Variants in ADAM18 observed in about 807,000 individuals in gnomAD.
The protein encoded by ADAM18 is ADAM metallopeptidase domain 18, also known as disintegrin and metalloproteinase domain-containing protein 18.
A neutral mutation model predicts 94.4 loss-of-function variants in ADAM18; 117 were observed. The ratio of observed to expected loss-of-function variants is 1.24; its 90% CI spans 1.07 to 1.45. The LOEUF is 1.45. Ranked by LOEUF, ADAM18 falls within the 40% of genes most tolerant of loss-of-function variation. ADAM18 has a pLI of 0.00. For missense variants in ADAM18, 936 were observed against 880.0 expected, an observed-to-expected ratio of 1.06 and a Z score of -0.81; for synonymous variants, 327 against 291.6, an observed-to-expected ratio of 1.12 and a Z score of -1.24.
intron 13 of ADAM18, among the ~76,000 whole-genome samples, chr8:39,664,675 AAAG>A (rs1160188685): frequency 6.6e-6 from 1 of 152,196 alleles, no homozygotes; most frequent in African/African-American, 2.4e-5. Context: ...TAGAATGTGT[AAAG>A]AACTCTCATT....
Position 39,628,038 on chromosome 8 carries a change from T to G in ADAM18, c.523-1336T>G, listed in dbSNP as rs1819822222. Reference sequence around the variant, plus strand: ...TCTTTATAAAGAGACTAAAGATGAATGTCAACACTTCTTGTTTGCAAGGTT... The same window carrying G: ...TCTTTATAAAGAGACTAAAGATGAAGGTCAACACTTCTTGTTTGCAAGGTT... On this transcript the variant is annotated intron_variant, in intron 6 of 19. Coordinates refer to ENST00000265707, the MANE Select transcript of ADAM18 (RefSeq NM_014237.3). Among the ~76,000 whole-genome samples, 3 of 152,116 alleles carry G rather than the reference T, an allele frequency of 2.0e-5. No homozygotes were observed. In the South Asian group the frequency reaches 6.2e-4, roughly 31 times the overall value.
intron 14 of ADAM18, among the ~76,000 whole-genome samples, chr8:39,669,214 A>G (rs1821080931): frequency 6.6e-6 from 1 of 151,550 alleles, no homozygotes; most frequent in Non-Finnish European, 1.5e-5. Context: ...TTTTAATTAA[A>G]AAAAACTTCA....
intron 11 of ADAM18, 102 bp downstream of exon 11, chr8:39,645,576 T>A: frequency 8.9e-7 from 1 of 1,118,768 alleles, no homozygotes; most frequent in Non-Finnish European, 1.3e-6. Flanking sequence ...CATCAATGGC[T>A]AGAAAGTTAC....
Position 39,610,709 on chromosome 8 carries a change from G to A in ADAM18, c.522+3G>A, listed in dbSNP as rs754252814. ...ACAAAGTTCCTTTAAACTCACAGGT[G>A]ACTGTCATCATTCTGATGTTATGAC... On this transcript the variant is annotated splice_donor_region_variant and intron_variant, in intron 6 of 19. Transcript: ENST00000265707. 1.9e-6 allele frequency: 3 copies of A among 1,611,602 alleles called. No homozygotes were observed. The highest frequency in any genetic ancestry group is 2.5e-6 in the Non-Finnish European group (3 of 1,178,938).
intron 18 of ADAM18, among the ~76,000 whole-genome samples, chr8:39,715,827 G>A (rs180905742): frequency 6.0e-4 from 92 of 152,066 alleles, no homozygotes; most frequent in African/African-American, 2.1e-3. Context: ...TAAGCTGTCA[G>A]GCCCAGATAT....
At chr8:39,708,294 TAACTC>T (rs1389529053) in intron 18 of ADAM18, among the ~76,000 whole-genome samples, 2 of 152,232 alleles carry the variant, frequency 1.3e-5, no homozygotes, top group South Asian at 2.1e-4. Flanking sequence ...CAGCTTCAAT[TAACTC>T]AAATAAGTTA....
At chr8:39,648,277 G>A (rs1820438678) in intron 11 of ADAM18, 67 bp from the exon 12 acceptor site, 2 of 1,288,576 alleles carry the variant, frequency 1.6e-6, no homozygotes, top group South Asian at 1.8e-5. Context: ...GATTATGTAT[G>A]GAGTGTTGTT....
chr8:39,702,542 T>C (rs561026381), intron 17 of ADAM18, among the ~76,000 whole-genome samples: 1 of 152,338 alleles, frequency 6.6e-6, no homozygotes, highest in Admixed American at 6.5e-5. Flanking sequence ...GGCATCTGCA[T>C]CATGAAATCT....
At chr8:39,666,968 T>C (rs1402488864) in intron 13 of ADAM18, among the ~76,000 whole-genome samples, 1 of 152,174 alleles carries the variant, frequency 6.6e-6, no homozygotes, top group Non-Finnish European at 1.5e-5. Context: ...CATTTCAACA[T>C]GGTGAACTTC....
At chr8:39,663,976 G>C (rs1820923574) in intron 13 of ADAM18, 86 bp downstream of exon 13, 1 of 843,624 alleles carries the variant, frequency 1.2e-6, no homozygotes, top group Admixed American at 2.8e-5. Flanking sequence ...TTAATAAAAA[G>C]AATATATAAG....
chr8:39,636,363 G>A (rs1231254256), intron 7 of ADAM18, among the ~76,000 whole-genome samples: 1 of 152,000 alleles, frequency 6.6e-6, no homozygotes, highest in African/African-American at 2.4e-5. Flanking sequence ...CACTTTAATA[G>A]TTATATGATT....
rs765329918 is a variant in ADAM18 at position 39,729,959 on chromosome 8, T to C, written c.*19T>C. On this transcript the variant is annotated 3_prime_UTR_variant, in exon 20 of 20. Transcript: ENST00000265707. ...ACATTAATATTGCACAGAACTTCCA[T>C]AGCAAATAACCTAAAGGAACGAATG... 1.2e-6 allele frequency: 2 copies of C among 1,606,134 alleles called. No homozygotes were observed. Among genetic ancestry groups the C allele is most frequent in the Non-Finnish European group, 1.7e-6 (2 of 1,172,760 alleles).
chr8:39,645,140 A>G (rs1428041947), intron 10 of ADAM18, among the ~76,000 whole-genome samples, 198 bp from the exon 11 acceptor site: 1 of 152,200 alleles, frequency 6.6e-6, no homozygotes, highest in Non-Finnish European at 1.5e-5. Context: ...AGAGACTATC[A>G]TAGTTTGATT....
chr8:39,618,252 A>G (rs1020756934), intron 6 of ADAM18, among the ~76,000 whole-genome samples: 1 of 152,160 alleles, frequency 6.6e-6, no homozygotes, highest in African/African-American at 2.4e-5. Flanking sequence ...AACTGGGTCC[A>G]GGGGGGTCAC....
At chr8:39,644,488 A>C (rs751735252) in intron 10 of ADAM18, among the ~76,000 whole-genome samples, 3 of 151,888 alleles carry the variant, frequency 2.0e-5, no homozygotes, top group Non-Finnish European at 4.4e-5. Flanking sequence ...GAGTCTCACT[A>C]TGTTGCCCAG....
At chr8:39,652,006 G>A (rs1171254258) in intron 12 of ADAM18, among the ~76,000 whole-genome samples, 1 of 152,006 alleles carries the variant, frequency 6.6e-6, no homozygotes, top group African/African-American at 2.4e-5. Flanking sequence ...ACATGTAGAA[G>A]AACAAAATTA....
intron 7 of ADAM18, among the ~76,000 whole-genome samples, chr8:39,634,140 C>A (rs1458036314): frequency 6.6e-6 from 1 of 152,114 alleles, no homozygotes; most frequent in East Asian, 1.9e-4. Context: ...CACAGCCAGG[C>A]ACTTCTCTGC....
At chr8:39,701,832 G>A (rs997217807) in intron 17 of ADAM18, among the ~76,000 whole-genome samples, 1 of 152,084 alleles carries the variant, frequency 6.6e-6, no homozygotes, top group East Asian at 1.9e-4. Context: ...TACTTTTTAT[G>A]GGTGCATAGT....
At chr8:39,713,477 A>G (rs958336554) in intron 18 of ADAM18, among the ~76,000 whole-genome samples, 2 of 152,214 alleles carry the variant, frequency 1.3e-5, no homozygotes, top group Non-Finnish European at 2.9e-5. Context: ...GCATGGCAAA[A>G]GAAACTACCA....
Sources: gnomAD v4.1 joint callset for allele counts (sites outside exome capture counted in the v4.1 genomes callset) on GRCh38, gnomAD v4.1.1 for gene constraint, MANE v1.5 for transcripts, NCBI Gene and HGNC (gene_info 2026-07-23, HGNC 2026-07-21) for gene names.